RGS8: variants seen among roughly 807,000 people sequenced by gnomAD.
The protein encoded by RGS8 is regulator of G-protein signaling 8.
Under a neutral mutation model 21.7 loss-of-function variants are expected in RGS8, and 8 were observed. That is an observed-to-expected ratio of 0.37 (90% CI 0.22 to 0.66). RGS8 has a LOEUF of 0.66. RGS8 is among the 30% of genes least tolerant of loss of function. The pLI, the probability that RGS8 is intolerant of heterozygous loss-of-function variation, is 0.59. For missense variants in RGS8, 157 were observed against 217.9 expected (o/e 0.72, Z 1.76); for synonymous variants, 80 against 83.6 (o/e 0.96, Z 0.24).
the RGS8 span, among the ~76,000 whole-genome samples, chr1:182,747,441 G>A: frequency 2.0e-5 from 3 of 152,290 alleles, no homozygotes; most frequent in Admixed American, 1.3e-4. Flanking sequence ...AAGGAGTGCT[G>A]TAACATAAGG....
chr1:182,691,598 C>G, the RGS8 span, among the ~76,000 whole-genome samples: 43 of 136,218 alleles, frequency 3.2e-4, no homozygotes, highest in African/African-American at 1.0e-3. Context: ...ATTCAACATC[C>G]CTTCATGTTA....
In RGS8 at chr1:182,679,795, G is replaced by A. The variant is rs186321933; in HGVS notation, n.221+4561C>T. Among the ~76,000 whole-genome samples, 123 of 151,472 alleles carry A rather than the reference G, an allele frequency of 8.1e-4. No individual in the cohort carries two copies. The Middle Eastern group carries it at 0.01, about 13-fold the overall frequency. ...CATCTTTTCTTGGCCCATTTTATCC[G>A]CCGCCCTCACCACGCCCACCTCCCA... On this transcript the variant is annotated intron_variant and non_coding_transcript_variant, in intron 1 of 4. Coordinates refer to the RGS8 transcript ENST00000515211.
upstream of RGS8, among the ~76,000 whole-genome samples, chr1:182,688,911 G>A (rs761154852): frequency 6.6e-6 from 1 of 152,148 alleles, no homozygotes; most frequent in Non-Finnish European, 1.5e-5. Context: ...CCTCCAGAAG[G>A]GAATGCAGAC....
At chr1:182,642,877 T>G (rs1425413638), downstream of RGS8, 2 of 144,800 alleles carry the variant, frequency 1.4e-5, no homozygotes, top group African/African-American at 5.2e-5. Flanking sequence ...CTGAGAAATT[T>G]GGAAGTTGTG....
chr1:182,733,944 G>A, the RGS8 span: 28 of 151,434 alleles, frequency 1.8e-4, no homozygotes, highest in Admixed American at 1.1e-3. Context: ...TTTTTGAGAT[G>A]GAGTCTCGCT....
rs1220057188 is a variant in RGS8 at position 182,666,027 on chromosome 1, T to C, written c.135A>G (p.Leu45=). Reference sequence around the variant, plus strand: ...CCCACCTCGTAGCTTCTTCTGTCGATAATCTCCTAGAAAAAAAGAAACATC... The same window carrying C: ...CCCACCTCGTAGCTTCTTCTGTCGACAATCTCCTAGAAAAAAAGAAACATC... The change falls in exon 5 of 7, where the codon TTA becomes TTG. Residue 45 remains leucine (L), a synonymous_variant. Transcript: ENST00000483095. The C allele has an allele frequency of 5.6e-6, 9 of 1,613,688 alleles. No homozygotes were observed. The South Asian group carries it at 6.6e-5, about 12-fold the overall frequency.
chr1:182,751,904 T>A, the RGS8 span, among the ~76,000 whole-genome samples: 370 of 152,288 alleles, frequency 2.4e-3, 6 homozygotes, highest in African/African-American at 8.5e-3. Flanking sequence ...AATATTGGGT[T>A]CTGGTTGTTT....
At chr1:182,665,147 G>A (rs1663791124) in intron 5 of RGS8, among the ~76,000 whole-genome samples, 2 of 152,192 alleles carry the variant, frequency 1.3e-5, no homozygotes, top group African/African-American at 4.8e-5. Context: ...ACATATTTAA[G>A]AGGAGCAGGA....
the RGS8 span, among the ~76,000 whole-genome samples, chr1:182,739,399 C>T: frequency 6.6e-6 from 1 of 152,154 alleles, no homozygotes; most frequent in African/African-American, 2.4e-5. Flanking sequence ...GTCACTGGGG[C>T]CCCGACCTTG....
chr1:182,660,447 A>G (rs964500997), intron 5 of RGS8, among the ~76,000 whole-genome samples: 1 of 152,154 alleles, frequency 6.6e-6, no homozygotes, highest in Non-Finnish European at 1.5e-5. Flanking sequence ...CAACAATGTG[A>G]AGATGATGGC....
At chr1:182,752,160 T>C in the RGS8 span, among the ~76,000 whole-genome samples, 2 of 152,204 alleles carry the variant, frequency 1.3e-5, no homozygotes, top group Non-Finnish European at 2.9e-5. Flanking sequence ...TGTTAGTTTA[T>C]GACAGAGACA....
chr1:182,681,285 T>A (rs1664527359), intron 1 of RGS8, among the ~76,000 whole-genome samples: 1 of 152,128 alleles, frequency 6.6e-6, no homozygotes, highest in Non-Finnish European at 1.5e-5. Flanking sequence ...TGGCTTTCCC[T>A]CCTATCGCTC....
the RGS8 span, among the ~76,000 whole-genome samples, chr1:182,721,643 T>C: frequency 1.3e-5 from 2 of 152,178 alleles, no homozygotes; most frequent in Admixed American, 6.5e-5. Context: ...TATTGGTCAC[T>C]TTTATGTATA....
At chr1:182,676,917 A>C (rs1454487088), upstream of RGS8, among the ~76,000 whole-genome samples, 1 of 152,210 alleles carries the variant, frequency 6.6e-6, no homozygotes, top group Non-Finnish European at 1.5e-5. Flanking sequence ...TGCCCGGTCT[A>C]TTTCTCAGGG....
chr1:182,738,192 C>A, the RGS8 span, among the ~76,000 whole-genome samples: 1 of 152,168 alleles, frequency 6.6e-6, no homozygotes, highest in African/African-American at 2.4e-5. Flanking sequence ...AAAACTGTTG[C>A]ATATAATGGA....
chr1:182,690,352 T>A, the RGS8 span, among the ~76,000 whole-genome samples: 1 of 152,226 alleles, frequency 6.6e-6, no homozygotes, highest in Non-Finnish European at 1.5e-5. Flanking sequence ...ATAAGCTCCA[T>A]GAAGGCAGGG....
intron 1 of RGS8, among the ~76,000 whole-genome samples, chr1:182,680,769 C>T (rs955860749): frequency 6.6e-5 from 10 of 152,174 alleles, no homozygotes; most frequent in African/African-American, 2.2e-4. Context: ...AAATGTAGCA[C>T]GGTCCCCGGC....
the RGS8 span, among the ~76,000 whole-genome samples, chr1:182,716,533 C>T: frequency 6.6e-6 from 1 of 151,618 alleles, no homozygotes; most frequent in African/African-American, 2.4e-5. Flanking sequence ...TATGGGAACC[C>T]CCAGACATGG....
At position 182,671,626 on chromosome 1, in the gene RGS8, GAAGA is replaced by G. The variant is rs779287354; in HGVS notation, c.-104+27_-104+30del. 1.3e-5 allele frequency: 20 copies of G among 1,596,334 alleles called. 1 individual carries two copies. In the Admixed American group the frequency reaches 3.3e-4, roughly 27 times the overall value. On this transcript the variant is annotated intron_variant, in intron 2 of 6. Transcript: ENST00000483095. ...AATCGGTGCACACAGACACCCCGGAGAAGAAAGAGAAAAGCAAAGGCAATACTCA... is the reference window on the plus strand; with the variant it reads ...AATCGGTGCACACAGACACCCCGGAGAAGAGAAAAGCAAAGGCAATACTCA...
Sources: allele counts gnomAD v4.1 joint callset (sites outside exome capture counted in the v4.1 genomes callset), GRCh38; gene constraint gnomAD v4.1.1; transcripts MANE v1.5; gene names NCBI Gene and HGNC (gene_info 2026-07-23, HGNC 2026-07-21).